The following SBF2 variants were observed in gnomAD, a reference collection of about 807,000 sequenced individuals.
SBF2 encodes SET binding factor 2, also known as myotubularin-related protein 13.
Under a neutral mutation model 225.2 loss-of-function variants are expected in SBF2, and 112 were observed. The observed-to-expected ratio is 0.50, with a 90% CI of 0.43 to 0.58. The LOEUF is 0.58. Among genes scored for constraint, SBF2 ranks in the 20% least tolerant of loss-of-function variants. The pLI is 0.00. For synonymous variants in SBF2, 763 were observed against 773.3 expected, an observed-to-expected ratio of 0.99 and a Z score of 0.22; for missense variants, 1,996 against 2,206.2, an observed-to-expected ratio of 0.90 and a Z score of 1.91.
intron 2 of SBF2, among the ~76,000 whole-genome samples, chr11:10,173,572 C>T (rs1464651465): frequency 7.2e-5 from 11 of 152,272 alleles, no homozygotes; most frequent in South Asian, 4.1e-4. Context: ...AAGGCGGCAG[C>T]GAGGCTGGGG....
At chr11:10,171,445 G>A (rs56287081) in intron 2 of SBF2, among the ~76,000 whole-genome samples, 27,043 of 152,072 alleles carry the variant, frequency 0.18, 2,607 homozygotes, top group Middle Eastern at 0.25. Context: ...ACGTTGATTG[G>A]TGTGTGTGTC....
chr11:10,204,593 G>C (rs1182190894), intron 1 of SBF2, among the ~76,000 whole-genome samples: 2 of 151,386 alleles, frequency 1.3e-5, no homozygotes, highest in Non-Finnish European at 2.9e-5. Flanking sequence ...AGGAGGCGGA[G>C]GTTGCAGTGA....
intron 6 of SBF2, among the ~76,000 whole-genome samples, chr11:10,011,252 A>T (rs1948444810): frequency 6.6e-6 from 1 of 152,114 alleles, no homozygotes; most frequent in Non-Finnish European, 1.5e-5. Context: ...TTTGAGACAT[A>T]GTCTCACTCC....
At chr11:10,070,200 C>T (rs574418177) in intron 2 of SBF2, among the ~76,000 whole-genome samples, 2 of 152,266 alleles carry the variant, frequency 1.3e-5, no homozygotes, top group South Asian at 4.1e-4. Flanking sequence ...GTTGCCATTG[C>T]TTTTGGTGTT....
chr11:10,177,950 A>G (rs1956544738), intron 2 of SBF2, among the ~76,000 whole-genome samples: 1 of 149,102 alleles, frequency 6.7e-6, no homozygotes. Context: ...CTATACTACA[A>G]GGCTACAGTA....
At chr11:9,994,497 A>G (rs1947593011) in intron 9 of SBF2, among the ~76,000 whole-genome samples, 1 of 150,330 alleles carries the variant, frequency 6.7e-6, no homozygotes, top group African/African-American at 2.4e-5. Flanking sequence ...AGAAAAGAAA[A>G]CATGTTCTAG....
intron 2 of SBF2, chr11:10,149,087 C>T (rs887957724): frequency 1.3e-5 from 2 of 152,230 alleles, no homozygotes; most frequent in African/African-American, 4.8e-5. Flanking sequence ...TAGCAGCTTC[C>T]AGTCAGATCC....
intron 2 of SBF2, among the ~76,000 whole-genome samples, chr11:10,145,090 T>C (rs1262611009): frequency 1.3e-5 from 2 of 152,220 alleles, no homozygotes; most frequent in African/African-American, 4.8e-5. Flanking sequence ...AAAGAGGCGA[T>C]GGCTTGTCTT....
At chr11:10,233,108 G>A (rs989507886) in intron 1 of SBF2, among the ~76,000 whole-genome samples, 9 of 152,072 alleles carry the variant, frequency 5.9e-5, no homozygotes, top group South Asian at 4.1e-4. Flanking sequence ...AGCCACATAC[G>A]AAGACCTATT....
At chr11:10,151,254 C>G (rs1389244251) in intron 2 of SBF2, among the ~76,000 whole-genome samples, 1 of 152,098 alleles carries the variant, frequency 6.6e-6, no homozygotes, top group Non-Finnish European at 1.5e-5. Context: ...CCAGAAAATC[C>G]CTTGGCATCT....
At chr11:10,223,399 TTATATATATATA>T (rs3074175) in intron 1 of SBF2, among the ~76,000 whole-genome samples, 942 of 59,266 alleles carry the variant, frequency 0.016, 26 homozygotes, top group African/African-American at 0.049. Context: ...ATTTTGCACA[TTATATATATATA>T]TATATATATA....
At chr11:9,908,157 T>C (rs1453974321) in intron 16 of SBF2, among the ~76,000 whole-genome samples, 1 of 152,140 alleles carries the variant, frequency 6.6e-6, no homozygotes, top group Non-Finnish European at 1.5e-5. Context: ...GAAAAAGCAA[T>C]TAAAAACATA....
intron 28 of SBF2, among the ~76,000 whole-genome samples, chr11:9,824,864 G>C (rs1339482019): frequency 2.0e-5 from 3 of 152,122 alleles, no homozygotes; most frequent in African/African-American, 7.2e-5. Context: ...AAGCAGTAAG[G>C]GGAAATGCAA....
intron 11 of SBF2, 51 bp downstream of exon 11, chr11:9,992,939 T>C (rs1217925296): frequency 7.6e-7 from 1 of 1,308,882 alleles, no homozygotes; most frequent in South Asian, 1.3e-5. Context: ...AGTAGTTTTA[T>C]TAAATTAGAA....
intron 1 of SBF2, among the ~76,000 whole-genome samples, chr11:10,227,318 T>C (rs556442535): frequency 6.6e-6 from 1 of 152,238 alleles, no homozygotes; most frequent in Non-Finnish European, 1.5e-5. Context: ...AGAAGCTCTT[T>C]AGTTTAATTA....
rs1005649769 is a variant in SBF2 at position 10,303,827 on chromosome 11, A to C, written n.386+665T>G. ...GCCTTTCCTTCCCAGTTTGGCCCCC[A>C]GGAGAGAAGTAAGAAAGAGAAGAAG... is the stretch of plus-strand genomic sequence containing the variant. On this transcript the variant is annotated intron_variant and non_coding_transcript_variant, in intron 1 of 5. Coordinates refer to the SBF2 transcript ENST00000685217. The surrounding 1 kb of genome is among the most constrained non-coding windows in gnomAD (Gnocchi z 5.2). 6.6e-6 allele frequency: 1 copy of C among 152,374 alleles called. No homozygotes were observed. Among genetic ancestry groups the C allele is most frequent in the African/African-American group, 2.4e-5 (1 of 41,464 alleles). The allele number at this position is 152,374 out of a possible 1,614,324, so 9.4% of individuals were successfully genotyped here.
At chr11:10,187,364 C>T (rs756237817) in intron 2 of SBF2, among the ~76,000 whole-genome samples, 1 of 151,942 alleles carries the variant, frequency 6.6e-6, no homozygotes, top group Non-Finnish European at 1.5e-5. Context: ...CTTACACCTA[C>T]TTGGAGGGCT....
At chr11:10,105,116 T>C (rs1952491946) in intron 2 of SBF2, among the ~76,000 whole-genome samples, 1 of 152,192 alleles carries the variant, frequency 6.6e-6, no homozygotes, top group Non-Finnish European at 1.5e-5. Context: ...TTGGAAAGTA[T>C]TCCTCCTCCT....
At chr11:9,909,335 G>C (rs1203964908) in intron 16 of SBF2, among the ~76,000 whole-genome samples, 1 of 144,780 alleles carries the variant, frequency 6.9e-6, no homozygotes, top group African/African-American at 2.5e-5. Context: ...TTTTCCTTTT[G>C]ACCTTAGAAG....
Sources: gnomAD v4.1 joint callset for allele counts (sites outside exome capture counted in the v4.1 genomes callset) on GRCh38, gnomAD v4.1.1 for gene constraint, Gnocchi (gnomAD v3.1) non-coding constraint, MANE v1.5 for transcripts, NCBI Gene and HGNC (gene_info 2026-07-23, HGNC 2026-07-21) for gene names.